The following LRMDA variants were observed in gnomAD, a reference collection of about 807,000 sequenced individuals.
The protein encoded by LRMDA is leucine-rich melanocyte differentiation-associated protein.
LRMDA carries 18 observed loss-of-function variants against 29.8 expected under a neutral mutation model. That is an observed-to-expected ratio of 0.60 (90% CI 0.42 to 0.90). The LOEUF (loss-of-function observed/expected upper bound fraction) is 0.90. LRMDA is among the 40% of genes least tolerant of loss of function. LRMDA has a pLI of 0.00. For synonymous variants in LRMDA, 125 were observed against 109.4 expected, an observed-to-expected ratio of 1.14 and a Z score of -0.89; for missense variants, 273 against 273.9, an observed-to-expected ratio of 1.00 and a Z score of 0.02.
chr10:76,111,817 G>C (rs531028607), intron 5 of LRMDA, among the ~76,000 whole-genome samples: 4 of 152,058 alleles, frequency 2.6e-5, no homozygotes, highest in East Asian at 1.9e-4. Context: ...GGTGGGGGGG[G>C]GCGCATGGTG....
chr10:75,771,717 T>C (rs1843243490), intron 2 of LRMDA, among the ~76,000 whole-genome samples: 1 of 152,044 alleles, frequency 6.6e-6, no homozygotes, highest in South Asian at 2.1e-4. Context: ...AGACTTTCCT[T>C]ATACCTTCCA....
chr10:75,668,317 C>T (rs1004151314), intron 2 of LRMDA, among the ~76,000 whole-genome samples: 3 of 152,092 alleles, frequency 2.0e-5, no homozygotes, highest in African/African-American at 7.2e-5. Context: ...CCTCTGTGGC[C>T]CATTGGAAGT....
chr10:76,152,460 G>A (rs1294620598), intron 5 of LRMDA, among the ~76,000 whole-genome samples: 32 of 152,166 alleles, frequency 2.1e-4, no homozygotes, highest in Admixed American at 2.1e-3. Flanking sequence ...TTTTGGCTAT[G>A]ATGAATAATG....
chr10:76,092,322 A>C (rs910297299), intron 5 of LRMDA, among the ~76,000 whole-genome samples: 7 of 152,232 alleles, frequency 4.6e-5, no homozygotes, highest in African/African-American at 1.4e-4. Context: ...TGCTTAGCAC[A>C]GCTTTCCGGT....
intron 2 of LRMDA, among the ~76,000 whole-genome samples, chr10:75,910,315 T>G (rs1173899778): frequency 6.6e-6 from 1 of 152,236 alleles, no homozygotes; most frequent in African/African-American, 2.4e-5. Context: ...GTTCAAATTC[T>G]ATTTTTCTCC....
At chr10:76,014,574 T>C (rs1847851480) in intron 2 of LRMDA, among the ~76,000 whole-genome samples, 1 of 152,158 alleles carries the variant, frequency 6.6e-6, no homozygotes, top group Non-Finnish European at 1.5e-5. Context: ...GAAGCCAAGG[T>C]TGACACCATC....
At chr10:76,177,441 CT>C (rs1209034547) in intron 5 of LRMDA, among the ~76,000 whole-genome samples, 2 of 151,912 alleles carry the variant, frequency 1.3e-5, no homozygotes, top group Non-Finnish European at 2.9e-5. Context: ...TTATAGATTA[CT>C]TAAAATTCCT....
intron 5 of LRMDA, among the ~76,000 whole-genome samples, chr10:76,144,511 A>G (rs1277394880): frequency 1.3e-5 from 2 of 152,146 alleles, no homozygotes; most frequent in Non-Finnish European, 2.9e-5. Flanking sequence ...ATTGGTGTAT[A>G]AGAATGCTTG....
chr10:75,995,988 G>A (rs1272369090), intron 2 of LRMDA, among the ~76,000 whole-genome samples: 3 of 152,154 alleles, frequency 2.0e-5, no homozygotes, highest in Non-Finnish European at 4.4e-5. Context: ...CTCAATGAAT[G>A]TGCTTTGCCT....
intron 2 of LRMDA, among the ~76,000 whole-genome samples, chr10:75,933,831 G>A (rs911544446): frequency 6.6e-6 from 1 of 152,150 alleles, no homozygotes; most frequent in African/African-American, 2.4e-5. Flanking sequence ...GCTTTGTTCA[G>A]AGATGCATTT....
At chr10:75,988,184 T>C (rs570901556) in intron 2 of LRMDA, among the ~76,000 whole-genome samples, 3 of 152,128 alleles carry the variant, frequency 2.0e-5, no homozygotes, top group African/African-American at 7.2e-5. Context: ...AAACAAAATT[T>C]TGTTTTCATT....
At chr10:75,540,992 G>C (rs968443270) in intron 2 of LRMDA, among the ~76,000 whole-genome samples, 1 of 151,620 alleles carries the variant, frequency 6.6e-6, no homozygotes, top group African/African-American at 2.4e-5. Flanking sequence ...TTTTAAAAAG[G>C]AAAAAAACAG....
At chr10:76,044,754 A>T (rs1365417161) in intron 3 of LRMDA, among the ~76,000 whole-genome samples, 4 of 151,892 alleles carry the variant, frequency 2.6e-5, no homozygotes, top group Non-Finnish European at 5.9e-5. Flanking sequence ...CCATCTCTGG[A>T]TGTTATTTGT....
At chr10:76,541,850 C>G (rs1018256412) in intron 6 of LRMDA, among the ~76,000 whole-genome samples, 1 of 152,138 alleles carries the variant, frequency 6.6e-6, no homozygotes, top group Non-Finnish European at 1.5e-5. Context: ...ACTTCCCTGT[C>G]CTTACGCCGC....
rs759757179 is a variant in LRMDA at position 75,431,789 on chromosome 10, G to A, written c.30+35G>A. On this transcript the variant is annotated intron_variant, in intron 1 of 6. Transcript: ENST00000611255. Reference sequence around the variant, plus strand: ...GGCCAGCCCCGCCTCCGCCCGGGGCGCAGTCCGCGTGGGGAGGGACAGCGG... The same window carrying A: ...GGCCAGCCCCGCCTCCGCCCGGGGCACAGTCCGCGTGGGGAGGGACAGCGG... 9.7e-6 allele frequency: 13 copies of A among 1,338,758 alleles called. No individual in the cohort carries two copies. The South Asian group carries it at 2.0e-4, about 21-fold the overall frequency. The allele number at this position is 1,338,758 out of a possible 1,614,324, so 82.9% of individuals were successfully genotyped here.
At chr10:76,301,598 G>T (rs1302191412) in intron 5 of LRMDA, among the ~76,000 whole-genome samples, 2 of 151,960 alleles carry the variant, frequency 1.3e-5, no homozygotes, top group Non-Finnish European at 2.9e-5. Context: ...TGAACTGACG[G>T]ATCTCTCTAA....
chr10:75,679,340 A>C (rs1841997869), intron 2 of LRMDA, among the ~76,000 whole-genome samples: 3 of 152,060 alleles, frequency 2.0e-5, no homozygotes, highest in Admixed American at 2.0e-4. Context: ...GACCTCAGAG[A>C]GTAGGCATTA....
At chr10:76,314,021 T>C (rs571162053) in intron 5 of LRMDA, among the ~76,000 whole-genome samples, 1 of 152,200 alleles carries the variant, frequency 6.6e-6, no homozygotes, top group Non-Finnish European at 1.5e-5. Flanking sequence ...TTTTTCAATT[T>C]TTTTGTGCTA....
chr10:75,799,615 A>G (rs1454940803), intron 2 of LRMDA, among the ~76,000 whole-genome samples: 1 of 150,806 alleles, frequency 6.6e-6, no homozygotes, highest in Non-Finnish European at 1.5e-5. Context: ...CCCGGGTTCA[A>G]GTGATTCTCC....
Sources: gnomAD v4.1 joint callset for allele counts (sites outside exome capture counted in the v4.1 genomes callset) on GRCh38, gnomAD v4.1.1 for gene constraint, MANE v1.5 for transcripts, NCBI Gene and HGNC (gene_info 2026-07-23, HGNC 2026-07-21) for gene names.